Variants in FOCAD observed in about 807,000 individuals in gnomAD.
FOCAD encodes the protein focadhesin, also known as KIAA1797.
In FOCAD, 198 loss-of-function variants were observed where a neutral mutation model predicts 225.6. The observed-to-expected ratio is 0.88, with a 90% CI of 0.78 to 0.99. The LOEUF is 0.99. Ranked by LOEUF, FOCAD falls within the 50% of genes least tolerant of loss-of-function variation. The pLI is 0.00. For synonymous variants in FOCAD, 897 were observed against 755.0 expected, an observed-to-expected ratio of 1.19 and a Z score of -3.08; for missense variants, 2,713 against 2,123.6, an observed-to-expected ratio of 1.28 and a Z score of -5.46.
rs148882252 is a variant in FOCAD, at chr9:20,897,760, G to A, written c.2626-9390G>A. 2.2e-3 allele frequency among the ~76,000 whole-genome samples: 341 copies of A among 151,578 alleles called. 10 individuals carry two copies. In the East Asian group the frequency reaches 0.045, roughly 20 times the overall value. On this transcript the variant is annotated intron_variant, in intron 21 of 43. Coordinates refer to ENST00000338382, the MANE Select transcript of FOCAD (RefSeq NM_001375567.1). Reference sequence around the variant, plus strand: ...TGACTACTATTATTATTTTTAACAAGCTGTTATCTGTTAGATCAATTAAGA... The same window carrying A: ...TGACTACTATTATTATTTTTAACAAACTGTTATCTGTTAGATCAATTAAGA...
chr9:20,746,420 C>T (rs75129351), intron 5 of FOCAD, among the ~76,000 whole-genome samples: 4,234 of 152,096 alleles, frequency 0.028, 283 homozygotes, highest in Admixed American at 0.15. Flanking sequence ...TGGCAAAGAC[C>T]GGGTTTTACT....
At chr9:20,970,329 T>G (rs561079391) in intron 35 of FOCAD, among the ~76,000 whole-genome samples, 1 of 152,150 alleles carries the variant, frequency 6.6e-6, no homozygotes, top group East Asian at 1.9e-4. Context: ...ATTCCTGTTA[T>G]GCCTACGTTG....
chr9:20,742,611 A>G (rs1827726146), intron 5 of FOCAD, among the ~76,000 whole-genome samples: 1 of 152,232 alleles, frequency 6.6e-6, no homozygotes, highest in Admixed American at 6.5e-5. Flanking sequence ...AAAGTATAAG[A>G]AGCATCAGTT....
rs528631737 is a variant in FOCAD, at chr9:20,972,379, G to T, written c.4133-4041G>T. ...CTCATTGTGGTTTTGATTTGGTTTG[G>T]TTTTTTTCCTTCTGATTAGTGATAT... is the stretch of plus-strand genomic sequence containing the variant. On this transcript the variant is annotated intron_variant, in intron 35 of 43. Transcript: ENST00000338382. Among the ~76,000 whole-genome samples the T allele has an allele frequency of 2.5e-3, 380 of 151,986 alleles. 3 individuals are homozygous for T. The highest frequency in any genetic ancestry group is 6.8e-3 in the Middle Eastern group (2 of 294).
chr9:20,899,678 A>G (rs1052517747), intron 21 of FOCAD, among the ~76,000 whole-genome samples: 2 of 151,996 alleles, frequency 1.3e-5, no homozygotes, highest in African/African-American at 4.8e-5. Flanking sequence ...TTCTTGAGCT[A>G]CATGGTTGCT....
At chr9:20,777,720 G>C (rs567122176) in intron 8 of FOCAD, among the ~76,000 whole-genome samples, 1 of 152,152 alleles carries the variant, frequency 6.6e-6, no homozygotes, top group African/African-American at 2.4e-5. Flanking sequence ...AATCATGTCT[G>C]TATTAGGTAA....
chr9:20,916,057 C>G (rs1296497063), intron 23 of FOCAD, among the ~76,000 whole-genome samples: 1 of 152,112 alleles, frequency 6.6e-6, no homozygotes, highest in Non-Finnish European at 1.5e-5. Context: ...GACTCATTCT[C>G]AGAGTGCTGA....
At chr9:20,868,209 A>G (rs953255790) in intron 18 of FOCAD, among the ~76,000 whole-genome samples, 1 of 152,172 alleles carries the variant, frequency 6.6e-6, no homozygotes, top group Non-Finnish European at 1.5e-5. Context: ...TAAATTTCAT[A>G]TGCAAACACC....
intron 4 of FOCAD, among the ~76,000 whole-genome samples, chr9:20,739,189 A>G (rs959508058): frequency 2.0e-5 from 3 of 152,258 alleles, no homozygotes; most frequent in Non-Finnish European, 2.9e-5. Context: ...TAACCCAAAA[A>G]TAAAGTTAAC....
chr9:20,942,008 T>C (rs1587679632), intron 28 of FOCAD, among the ~76,000 whole-genome samples: 1 of 152,058 alleles, frequency 6.6e-6, no homozygotes, highest in East Asian at 1.9e-4. Flanking sequence ...CAGAGGGAAA[T>C]CAGGAATAAA....
intron 10 of FOCAD, among the ~76,000 whole-genome samples, chr9:20,784,343 A>G (rs1819696461): frequency 6.6e-6 from 1 of 152,210 alleles, no homozygotes; most frequent in African/African-American, 2.4e-5. Flanking sequence ...GACAAGGTCT[A>G]ACACTAGACC....
chr9:20,682,840 G>A (rs1231023647), upstream of FOCAD, among the ~76,000 whole-genome samples: 2 of 152,080 alleles, frequency 1.3e-5, no homozygotes, highest in African/African-American at 4.8e-5. Flanking sequence ...GCGCCACCTC[G>A]GCTCACTGCA....
upstream of FOCAD, among the ~76,000 whole-genome samples, chr9:20,655,633 C>T (rs542912859): frequency 1.2e-4 from 18 of 152,276 alleles, 1 homozygote; most frequent in South Asian, 3.7e-3. Flanking sequence ...AGAGATAAGA[C>T]ATTTTTTATT....
At chr9:20,790,885 A>G (rs1176789962) in intron 11 of FOCAD, among the ~76,000 whole-genome samples, 1 of 152,236 alleles carries the variant, frequency 6.6e-6, no homozygotes, top group Non-Finnish European at 1.5e-5. Context: ...TATCTCACAA[A>G]GAGTTTTCAC....
intron 22 of FOCAD, among the ~76,000 whole-genome samples, chr9:20,912,166 C>T (rs1462488040): frequency 1.3e-5 from 2 of 151,928 alleles, no homozygotes; most frequent in African/African-American, 4.8e-5. Flanking sequence ...GGCCCATCAA[C>T]AAACAGTATT....
At chr9:20,818,241 G>A (rs748237953) in intron 11 of FOCAD, among the ~76,000 whole-genome samples, 1 of 151,808 alleles carries the variant, frequency 6.6e-6, no homozygotes, top group Non-Finnish European at 1.5e-5. Context: ...TAAATTATTG[G>A]GTTTTAAGAG....
At chr9:20,990,551 G>C (rs1841563581) in intron 42 of FOCAD, among the ~76,000 whole-genome samples, 177 bp downstream of exon 42, 1 of 152,162 alleles carries the variant, frequency 6.6e-6, no homozygotes, top group Admixed American at 6.5e-5. Flanking sequence ...CCCAGGCTCG[G>C]GGCAACTGCT....
At chr9:20,872,079 G>A (rs1295860517) in intron 18 of FOCAD, among the ~76,000 whole-genome samples, 1 of 151,850 alleles carries the variant, frequency 6.6e-6, no homozygotes, top group Non-Finnish European at 1.5e-5. Context: ...AATACATATA[G>A]TATATAATCT....
At chr9:20,831,276 C>G (rs1039615517) in intron 15 of FOCAD, among the ~76,000 whole-genome samples, 1 of 152,002 alleles carries the variant, frequency 6.6e-6, no homozygotes, top group Non-Finnish European at 1.5e-5. Flanking sequence ...TATTCATTCT[C>G]CGGTAGGAAG....
Sources: allele counts gnomAD v4.1 joint callset (sites outside exome capture counted in the v4.1 genomes callset), GRCh38; gene constraint gnomAD v4.1.1; transcripts MANE v1.5; gene names NCBI Gene and HGNC (gene_info 2026-07-23, HGNC 2026-07-21).